UNC80: variants seen among roughly 807,000 people sequenced by gnomAD.
The protein encoded by UNC80 is unc-80 subunit of NALCN channel complex.
A neutral mutation model predicts 384.6 loss-of-function variants in UNC80; 164 were observed. That is an observed-to-expected ratio of 0.43 (90% confidence interval 0.38 to 0.49). The LOEUF (loss-of-function observed/expected upper bound fraction) is 0.49, where lower values mean the gene tolerates loss of function less well. Ranked by LOEUF, UNC80 falls within the 20% of genes least tolerant of loss-of-function variation. The pLI is 0.00. For synonymous variants in UNC80, 1,486 were observed against 1,527.8 expected (o/e 0.97, Z 0.64); for missense variants, 3,330 against 4,143.0 (o/e 0.80, Z 5.39).
intron 21 of UNC80, among the ~76,000 whole-genome samples, chr2:209,845,569 A>G (rs2082110927): frequency 6.6e-6 from 1 of 152,218 alleles, no homozygotes; most frequent in Admixed American, 6.5e-5. Flanking sequence ...GAATATTCAT[A>G]GAGCCAGATT....
intron 56 of UNC80, among the ~76,000 whole-genome samples, chr2:209,975,311 A>C (rs2092985490): frequency 6.6e-6 from 1 of 152,210 alleles, no homozygotes; most frequent in Non-Finnish European, 1.5e-5. Context: ...CTGTAGTGGC[A>C]GAGGGAGCTC....
intron 7 of UNC80, among the ~76,000 whole-genome samples, chr2:209,794,234 C>T (rs2078013805): frequency 6.6e-6 from 1 of 152,166 alleles, no homozygotes; most frequent in Admixed American, 6.5e-5. Context: ...ATTAGTGCTT[C>T]TAAATCACAT....
At chr2:209,918,019 C>A in intron 32 of UNC80, 61 bp downstream of exon 32, 5 of 1,483,518 alleles carry the variant, frequency 3.4e-6, no homozygotes, top group Non-Finnish European at 1.8e-6. Flanking sequence ...TTTGTTTAAA[C>A]CGTTGAACCT....
chr2:209,943,615 A>T, intron 45 of UNC80, 101 bp downstream of exon 45: 2 of 1,398,534 alleles, frequency 1.4e-6, no homozygotes, highest in Non-Finnish European at 1.9e-6. Flanking sequence ...GGCTACCATC[A>T]CTTGTGTTTT....
intron 6 of UNC80, among the ~76,000 whole-genome samples, chr2:209,792,335 T>TTTTTG (rs1205916436): frequency 1.2e-4 from 18 of 152,186 alleles, no homozygotes; most frequent in African/African-American, 2.2e-4. Flanking sequence ...TCTTAATACT[T>TTTTTG]TTTTGTTTTG....
At chr2:209,809,543 A>G in intron 7 of UNC80, 1 of 983,714 alleles carries the variant, frequency 1.0e-6, no homozygotes, top group Non-Finnish European at 1.6e-6. Flanking sequence ...CTGCTCCACA[A>G]GCACCAAGAG....
chr2:209,967,486 C>T lies in UNC80; in HGVS notation c.7855C>T (p.Gln2619Ter). ...SLLKLAPYDT[Q>*]TMESRGLRRY... The stretch of plus-strand genomic sequence containing the variant: ...TCTGAAGCTGGCACCATATGACACT[C>T]AGACAATGGAGAGTCGTGGGCTTCG... The change falls in exon 52 of 65, where the codon CAG becomes TAG. Residue 2619 changes from glutamine (Q) to a stop codon, truncating the protein, a stop_gained. Transcript: ENST00000673920. LOFTEE classifies it high-confidence loss of function. 3 of 1,551,526 alleles carry T rather than the reference C, an allele frequency of 1.9e-6. No homozygotes were observed. Among genetic ancestry groups the T allele is most frequent in the Non-Finnish European group, 2.6e-6 (3 of 1,146,962 alleles).
Position 209,976,824 on chromosome 2 carries a change from A to G in UNC80, c.8773-89A>G. ...GAACATCACATGCATTACCTTATTT[A>G]TTCCTCACAACAATGAAATAGGTAC... On this transcript the variant is annotated intron_variant, in intron 57 of 64. Coordinates refer to ENST00000673920, the MANE Select transcript of UNC80 (RefSeq NM_001371986.1). This position sits in a 1 kb window ranked among gnomAD's most constrained non-coding sequence, Gnocchi z 4.3. The G allele has an allele frequency of 7.3e-7, 1 of 1,367,772 alleles. No homozygotes were observed. The highest frequency in any genetic ancestry group is 9.8e-7 in the Non-Finnish European group (1 of 1,024,712). 84.7% of individuals were successfully genotyped at this position (1,367,772 alleles called of 1,614,324 possible). A position where few individuals can be genotyped will look rare whatever the true frequency, so the allele number is the denominator to read the frequency against.
chr2:209,974,947 A>G (rs2092974412), intron 56 of UNC80, among the ~76,000 whole-genome samples: 1 of 152,126 alleles, frequency 6.6e-6, no homozygotes, highest in African/African-American at 2.4e-5. Context: ...TTGTTTGTTT[A>G]GTTGAGGGAA....
At chr2:209,960,985 C>T (rs2092570606) in intron 51 of UNC80, 1 of 152,226 alleles carries the variant, frequency 6.6e-6, no homozygotes, top group Admixed American at 6.5e-5. Context: ...AGAAACATCA[C>T]ATTCCCAGAG....
Position 209,996,450 on chromosome 2 carries a change from T to C in UNC80, c.*855T>C, listed in dbSNP as rs2093484875. The C allele has an allele frequency of 6.6e-6, 1 of 152,232 alleles. No individual in the cohort carries two copies. The highest frequency in any genetic ancestry group is 2.4e-5 in the African/African-American group (1 of 41,470). The allele number at this position is 152,232 out of a possible 1,614,324, so 9.4% of individuals were successfully genotyped here. On this transcript the variant is annotated 3_prime_UTR_variant, in exon 65 of 65. Transcript: ENST00000673920. ...ACCAAGATTAGAAGCTATTGGAAAA[T>C]GTGATTAGTAATACTTTTCCTTATA...
chr2:209,967,676 G>A, intron 52 of UNC80, 39 bp downstream of exon 52: 1 of 1,537,346 alleles, frequency 6.5e-7, no homozygotes, highest in Non-Finnish European at 8.8e-7. Context: ...TATCACAAAT[G>A]TCAAAGTTAA....
chr2:209,796,125 A>C (rs549560613), intron 7 of UNC80: 1 of 152,244 alleles, frequency 6.6e-6, no homozygotes, highest in Admixed American at 6.5e-5. Context: ...GACCATGGGA[A>C]CCCACCTCTT....
rs1266684163 is a variant in UNC80 at position 209,954,087 on chromosome 2, C to T, written c.7287-13C>T. ...TGTAAAAGGTGACTCGGTTTTCTTT[C>T]TGTCGCTTAAAGTCTTCAGATGCTG... On this transcript the variant is annotated splice_polypyrimidine_tract_variant and intron_variant, in intron 47 of 64. Transcript: ENST00000673920. 1 of 1,539,854 alleles carries T rather than the reference C, an allele frequency of 6.5e-7. No homozygotes were observed. Among genetic ancestry groups the T allele is most frequent in the Non-Finnish European group, 8.7e-7 (1 of 1,143,138 alleles).
At chr2:209,821,426 A>G (rs986271454) in intron 13 of UNC80, among the ~76,000 whole-genome samples, 17 of 152,108 alleles carry the variant, frequency 1.1e-4, no homozygotes, top group South Asian at 2.1e-4. Context: ...TCAGCCCATA[A>G]CAAGCAATAT....
intron 7 of UNC80, among the ~76,000 whole-genome samples, chr2:209,796,808 T>C (rs531075878): frequency 1.3e-5 from 2 of 152,328 alleles, no homozygotes; most frequent in East Asian, 3.9e-4. Flanking sequence ...TTAAACCTGT[T>C]TATATTCCCA....
At chr2:209,951,130 A>G (rs984186477) in intron 47 of UNC80, among the ~76,000 whole-genome samples, 1 of 152,012 alleles carries the variant, frequency 6.6e-6, no homozygotes, top group African/African-American at 2.4e-5. Flanking sequence ...AGATTGCACC[A>G]CCACACTCCA....
chr2:209,992,294 G>A (rs1284737604), intron 62 of UNC80, 47 bp downstream of exon 62: 10 of 1,516,626 alleles, frequency 6.6e-6, no homozygotes, highest in South Asian at 6.1e-5. Context: ...CGAATTGGAA[G>A]CTCTGTGTGA....
At chr2:209,796,777 C>T (rs2078187977) in intron 7 of UNC80, among the ~76,000 whole-genome samples, 1 of 152,192 alleles carries the variant, frequency 6.6e-6, no homozygotes, top group Non-Finnish European at 1.5e-5. Flanking sequence ...CCTCCCCAGC[C>T]ATGTGGAACT....
Sources: gnomAD v4.1 joint callset for allele counts (sites outside exome capture counted in the v4.1 genomes callset) on GRCh38, gnomAD v4.1.1 for gene constraint, Gnocchi (gnomAD v3.1) non-coding constraint, MANE v1.5 for transcripts, NCBI Gene and HGNC (gene_info 2026-07-23, HGNC 2026-07-21) for gene names.